The following GRK1 variants were observed in gnomAD, a reference collection of about 807,000 sequenced individuals.
GRK1 encodes the protein G protein-coupled receptor kinase 1.
GRK1 carries 28 observed loss-of-function variants against 41.7 expected under a neutral mutation model. The observed-to-expected ratio is 0.67, with a 90% CI of 0.50 to 0.92. GRK1 has a LOEUF of 0.92. Among genes scored for constraint, GRK1 ranks in the 40% least tolerant of loss-of-function variants. The pLI is 0.00. For synonymous variants in GRK1, 327 were observed against 286.7 expected (o/e 1.14, Z -1.42); for missense variants, 703 against 671.2 (o/e 1.05, Z -0.52).
chr13:113,734,308 G>A (rs987961149), intron 6 of GRK1, among the ~76,000 whole-genome samples: 2 of 152,212 alleles, frequency 1.3e-5, no homozygotes, highest in Non-Finnish European at 2.9e-5. Flanking sequence ...GATGGCTGTG[G>A]TCAGGGAACC....
Position 113,733,609 on chromosome 13 carries a change from GTGTA to G in GRK1, c.1396+528_1396+531del, listed in dbSNP as rs1393437705. On this transcript the variant is annotated intron_variant, in intron 6 of 6. Coordinates refer to ENST00000335678, the MANE Select transcript of GRK1 (RefSeq NM_002929.3). ...TACGTGTGTGTGCATGTGTGCGCAT[GTGTA>G]TGTGTGTGCATACGTGTGTGCTCAT... Among the ~76,000 whole-genome samples, 25 of 150,852 alleles carry G rather than the reference GTGTA, an allele frequency of 1.7e-4. No homozygotes were observed. In the South Asian group the frequency reaches 1.9e-3, roughly 11 times the overall value.
intron 1 of GRK1, among the ~76,000 whole-genome samples, chr13:113,668,384 G>A (rs1167998297): frequency 6.6e-6 from 1 of 152,242 alleles, no homozygotes; most frequent in Non-Finnish European, 1.5e-5. Context: ...GTGGGGGAAA[G>A]AGGACCTCTC....
At chr13:113,662,877 A>G (rs145369498), upstream of GRK1, among the ~76,000 whole-genome samples, 124 of 152,368 alleles carry the variant, frequency 8.1e-4, no homozygotes, top group African/African-American at 2.9e-3. Flanking sequence ...CCAAATTGAT[A>G]TAGGGTGCAA....
At chr13:113,733,658 T>TAC (rs1566699532) in intron 6 of GRK1, among the ~76,000 whole-genome samples, 2 of 99,188 alleles carry the variant, frequency 2.0e-5, no homozygotes, top group East Asian at 3.2e-4. Context: ...CATACGTGTG[T>TAC]GTGCGTGTGT....
At chr13:113,734,259 C>T (rs950380604) in intron 6 of GRK1, among the ~76,000 whole-genome samples, 1 of 152,232 alleles carries the variant, frequency 6.6e-6, no homozygotes, top group East Asian at 1.9e-4. Context: ...ACAGCAGTGA[C>T]TGCCAGACAG....
At chr13:113,650,503 T>C in the GRK1 span, 1 of 1,611,802 alleles carries the variant, frequency 6.2e-7, no homozygotes, top group Non-Finnish European at 8.5e-7. This position sits in a 1 kb window ranked among gnomAD's most constrained non-coding sequence, Gnocchi z 5.0. Flanking sequence ...CTCGCGGGGC[T>C]GGTCCTGGGG....
At chr13:113,728,305 C>T (rs1356601862) in intron 4 of GRK1, among the ~76,000 whole-genome samples, 2 of 111,242 alleles carry the variant, frequency 1.8e-5, no homozygotes, top group Non-Finnish European at 3.3e-5. Flanking sequence ...GTACCCATGG[C>T]GATGAGGAAT....
intron 3 of GRK1, among the ~76,000 whole-genome samples, chr13:113,672,044 G>A (rs1010084208): frequency 6.6e-6 from 1 of 152,122 alleles, no homozygotes; most frequent in Non-Finnish European, 1.5e-5. Flanking sequence ...GGCGAGAGCC[G>A]AGGTGGGAGG....
chr13:113,728,931 A>G (rs538308980), intron 4 of GRK1, among the ~76,000 whole-genome samples: 2 of 152,136 alleles, frequency 1.3e-5, no homozygotes, highest in African/African-American at 4.8e-5. Flanking sequence ...GTGGGAGGAG[A>G]GGAGAGGACC....
Position 113,668,079 on chromosome 13 carries a change from C to G in GRK1, c.693C>G (p.Gly231=), listed in dbSNP as rs62621170. The G allele has an allele frequency of 6.2e-7, 1 of 1,604,736 alleles. No individual in the cohort carries two copies. The highest frequency in any genetic ancestry group is 1.1e-5 in the South Asian group (1 of 89,754). ...LNKKRLKKRK[G]YQGAMVEKKI... ...AGAAGCGGCTGAAGAAGAGGAAGGG[C>G]TACCAGGTGAGCAGCGCGACCCGGC... is the stretch of plus-strand genomic sequence containing the variant. The change falls in exon 1 of 7, where the codon GGC becomes GGG. Residue 231 remains glycine (G), a synonymous_variant. Coordinates refer to ENST00000335678, the MANE Select transcript of GRK1 (RefSeq NM_002929.3).
chr13:113,664,877 G>C (rs867315537), upstream of GRK1, among the ~76,000 whole-genome samples: 6 of 152,336 alleles, frequency 3.9e-5, no homozygotes, highest in South Asian at 1.2e-3. The surrounding 1 kb of genome is among the most constrained non-coding windows in gnomAD (Gnocchi z 5.4). Flanking sequence ...AGGCAGGAAG[G>C]AGTTAACGTG....
intron 6 of GRK1, among the ~76,000 whole-genome samples, chr13:113,733,700 T>C (rs1042854534): frequency 4.9e-5 from 7 of 142,160 alleles, no homozygotes; most frequent in Non-Finnish European, 7.7e-5. Context: ...TGCATACATG[T>C]GTGCGTGTGT....
At chr13:113,669,859 T>G in intron 2 of GRK1, 45 bp downstream of exon 2, 1 of 1,607,766 alleles carries the variant, frequency 6.2e-7, no homozygotes, top group African/African-American at 1.3e-5. Flanking sequence ...GCTGTCCCAC[T>G]GGGTCAGGGT....
the GRK1 span, chr13:113,653,370 A>G: frequency 2.5e-6 from 4 of 1,614,154 alleles, no homozygotes; most frequent in Admixed American, 1.7e-5. Context: ...AGGTTCTGTT[A>G]TCAGAGACGT....
chr13:113,649,342 C>T, the GRK1 span: 408 of 1,572,818 alleles, frequency 2.6e-4, no homozygotes, highest in East Asian at 4.4e-3. This position sits in a 1 kb window ranked among gnomAD's most constrained non-coding sequence, Gnocchi z 4.7. Context: ...AGCGACCCCG[C>T]AGGCGTGCCC....
chr13:113,733,532 TGTGTGCATGC>T (rs1356020221), intron 6 of GRK1, among the ~76,000 whole-genome samples: 12 of 141,242 alleles, frequency 8.5e-5, no homozygotes, highest in South Asian at 2.1e-4. Flanking sequence ...TGTGTGCGCG[TGTGTGCATGC>T]GTGTGCGCGC....
At chr13:113,662,586 G>T (rs2049796550), upstream of GRK1, among the ~76,000 whole-genome samples, 1 of 152,206 alleles carries the variant, frequency 6.6e-6, no homozygotes, top group African/African-American at 2.4e-5. Flanking sequence ...CAGCTGTTAA[G>T]TGAGTTTAGC....
chr13:113,668,055 G>C lies in GRK1; in HGVS notation c.669G>C (p.Lys223Asn). The stretch of plus-strand genomic sequence containing the variant: ...TGTATGCCTGCAAGAAGCTGAACAA[G>C]AAGCGGCTGAAGAAGAGGAAGGGCT... ...GKLYACKKLN[K>N]KRLKKRKGYQ... The change falls in exon 1 of 7, where the codon AAG (lysine) becomes AAC (asparagine). Residue 223 changes from lysine to asparagine, a missense_variant. Coordinates refer to ENST00000335678, the MANE Select transcript of GRK1 (RefSeq NM_002929.3). 1 of 1,609,506 alleles carries C rather than the reference G, an allele frequency of 6.2e-7. No homozygotes were observed. The highest frequency in any genetic ancestry group is 8.5e-7 in the Non-Finnish European group (1 of 1,178,134).
Position 113,731,078 on chromosome 13 carries a change from A to G in GRK1, c.1070-141A>G. Reference sequence around the variant, plus strand: ...TAACACACAGGGCAGCCCCTCCACAAAGGATTTTCTGGCCCCAAATGTGGA... The same window carrying G: ...TAACACACAGGGCAGCCCCTCCACAGAGGATTTTCTGGCCCCAAATGTGGA... On this transcript the variant is annotated intron_variant, in intron 4 of 6. Coordinates refer to ENST00000335678, the MANE Select transcript of GRK1 (RefSeq NM_002929.3). This position sits in a 1 kb window ranked among gnomAD's most constrained non-coding sequence, Gnocchi z 5.6. The G allele has an allele frequency of 7.9e-7, 1 of 1,260,636 alleles. No homozygotes were observed. The highest frequency in any genetic ancestry group is 1.1e-6 in the Non-Finnish European group (1 of 935,352). 78.1% of individuals were successfully genotyped at this position (1,260,636 alleles called of 1,614,324 possible).
Sources: allele counts gnomAD v4.1 joint callset (sites outside exome capture counted in the v4.1 genomes callset), GRCh38; gene constraint gnomAD v4.1.1; non-coding constraint Gnocchi (gnomAD v3.1); transcripts MANE v1.5; gene names NCBI Gene and HGNC (gene_info 2026-07-23, HGNC 2026-07-21).